Variants in PRKG1 observed in about 807,000 individuals in gnomAD.
The protein encoded by PRKG1 is protein kinase cGMP-dependent 1, also known as cGMP-dependent protein kinase 1.
In PRKG1, 35 loss-of-function variants were observed where a neutral mutation model predicts 88.1. That is an observed-to-expected ratio of 0.40 (90% CI 0.30 to 0.53). The LOEUF is 0.53. Ranked by LOEUF, PRKG1 falls within the 20% of genes least tolerant of loss-of-function variation. The probability of loss-of-function intolerance (pLI) is 0.59; values close to 1 mark genes in which losing one functional copy is unlikely to be tolerated. For missense variants in PRKG1, 540 were observed against 839.8 expected, an observed-to-expected ratio of 0.64 and a Z score of 4.41; for synonymous variants, 303 against 292.5, an observed-to-expected ratio of 1.04 and a Z score of -0.37.
chr10:52,164,132 C>T (rs1312020669), intron 9 of PRKG1, among the ~76,000 whole-genome samples: 2 of 152,038 alleles, frequency 1.3e-5, no homozygotes, highest in African/African-American at 4.8e-5. Context: ...GGGAAGATCA[C>T]CTGAGGTCAG....
chr10:51,112,219 A>G (rs1319713319), intron 1 of PRKG1, among the ~76,000 whole-genome samples: 1 of 152,102 alleles, frequency 6.6e-6, no homozygotes, highest in Non-Finnish European at 1.5e-5. Context: ...GCTTACATTT[A>G]ATACTTTTAA....
intron 7 of PRKG1, among the ~76,000 whole-genome samples, chr10:52,067,847 T>C (rs886171949): frequency 6.6e-6 from 1 of 152,154 alleles, no homozygotes; most frequent in Non-Finnish European, 1.5e-5. Context: ...GAGCAATCAC[T>C]TCACGTTTAG....
intron 14 of PRKG1, among the ~76,000 whole-genome samples, chr10:52,285,959 G>T (rs1436606688): frequency 3.9e-5 from 6 of 152,004 alleles, no homozygotes; most frequent in Non-Finnish European, 8.8e-5. Context: ...AAAGGAAATA[G>T]AAAACACATC....
At chr10:51,200,649 T>G (rs970328543) in intron 2 of PRKG1, among the ~76,000 whole-genome samples, 2 of 152,212 alleles carry the variant, frequency 1.3e-5, no homozygotes, top group African/African-American at 4.8e-5. Context: ...AAAATCTGCT[T>G]GCTGAATTAT....
intron 4 of PRKG1, among the ~76,000 whole-genome samples, chr10:51,877,785 C>A (rs577380793): frequency 6.6e-6 from 1 of 152,218 alleles, no homozygotes; most frequent in African/African-American, 2.4e-5. Context: ...ACTCAACTAA[C>A]TTTCCCATAA....
At chr10:51,342,374 T>G (rs185722787) in intron 2 of PRKG1, among the ~76,000 whole-genome samples, 51 of 152,290 alleles carry the variant, frequency 3.3e-4, no homozygotes, top group African/African-American at 1.2e-3. Context: ...TCAATTTTTT[T>G]TCACCTCCTT....
intron 5 of PRKG1, among the ~76,000 whole-genome samples, chr10:52,024,846 G>T (rs1845291723): frequency 6.6e-6 from 1 of 152,152 alleles, no homozygotes. Flanking sequence ...TATATACCTA[G>T]TAATGAGATC....
rs1476518842 is a variant in PRKG1 at position 51,771,396 on chromosome 10, C to T, written c.593-33189C>T. Among the ~76,000 whole-genome samples, 3 of 152,074 alleles carry T rather than the reference C, an allele frequency of 2.0e-5. No homozygotes were observed. The East Asian group carries it at 5.8e-4, about 29-fold the overall frequency. Reference sequence around the variant, plus strand: ...GGAAGCATTTCCGGAATTTGCTTTCCGTTCTCTGGGTCTTGGGAGATACAT... The same window carrying T: ...GGAAGCATTTCCGGAATTTGCTTTCTGTTCTCTGGGTCTTGGGAGATACAT... On this transcript the variant is annotated intron_variant, in intron 3 of 17. Transcript: ENST00000373980.
intron 2 of PRKG1, among the ~76,000 whole-genome samples, chr10:51,406,507 C>G (rs904135941): frequency 1.3e-5 from 2 of 152,006 alleles, no homozygotes; most frequent in Admixed American, 6.6e-5. Context: ...TTAGGAAAAA[C>G]CAGTTTGATT....
intron 5 of PRKG1, among the ~76,000 whole-genome samples, chr10:52,050,058 CAT>C (rs74659399): frequency 0.21 from 31,457 of 151,632 alleles, 4,020 homozygotes; most frequent in East Asian, 0.72. Context: ...AGAGTGTGTT[CAT>C]GTGTGTGTGG....
At chr10:51,690,755 G>A (rs1255524805) in intron 3 of PRKG1, among the ~76,000 whole-genome samples, 2 of 151,676 alleles carry the variant, frequency 1.3e-5, no homozygotes, top group Non-Finnish European at 2.9e-5. Flanking sequence ...GTGAAACCCC[G>A]TCTCTACTAA....
chr10:52,285,747 A>G (rs1842104366), intron 14 of PRKG1, among the ~76,000 whole-genome samples: 1 of 152,088 alleles, frequency 6.6e-6, no homozygotes, highest in Admixed American at 6.6e-5. Context: ...CCTCTAAGAT[A>G]TTTGCAAGTG....
chr10:51,053,425 C>T (rs1843589670), intron 1 of PRKG1, among the ~76,000 whole-genome samples: 1 of 152,080 alleles, frequency 6.6e-6, no homozygotes, highest in Admixed American at 6.6e-5. Flanking sequence ...AACTTGGAGG[C>T]ACATGGGATC....
chr10:52,139,377 G>A (rs368627944), intron 8 of PRKG1, among the ~76,000 whole-genome samples: 79 of 152,214 alleles, frequency 5.2e-4, no homozygotes, highest in African/African-American at 1.8e-3. Context: ...AGCCACAACA[G>A]CATCAGTCCC....
At chr10:51,692,105 G>T (rs1245440574) in intron 3 of PRKG1, among the ~76,000 whole-genome samples, 4 of 152,102 alleles carry the variant, frequency 2.6e-5, no homozygotes, top group Non-Finnish European at 5.9e-5. Flanking sequence ...CAAGGTTTGT[G>T]TCTGGCAATG....
chr10:52,212,293 T>C (rs528536182), intron 9 of PRKG1, among the ~76,000 whole-genome samples: 13 of 152,334 alleles, frequency 8.5e-5, no homozygotes, highest in African/African-American at 2.6e-4. Context: ...CTCTGACTGA[T>C]AGAAAAGTAG....
chr10:52,038,027 G>A (rs60497913), intron 5 of PRKG1, among the ~76,000 whole-genome samples: 175 of 152,250 alleles, frequency 1.1e-3, no homozygotes, highest in African/African-American at 3.9e-3. Context: ...GCTATTTTAC[G>A]ACAAGAATTA....
chr10:51,014,930 C>T (rs1037986587), intron 1 of PRKG1, among the ~76,000 whole-genome samples: 1 of 152,124 alleles, frequency 6.6e-6, no homozygotes, highest in African/African-American at 2.4e-5. Flanking sequence ...TTCTGTGCTT[C>T]CTGTTTTTCA....
At chr10:51,925,663 T>A (rs1842558645) in intron 5 of PRKG1, among the ~76,000 whole-genome samples, 1 of 152,110 alleles carries the variant, frequency 6.6e-6, no homozygotes, top group African/African-American at 2.4e-5. Flanking sequence ...TATTTTCTCT[T>A]GAGAAAAAGT....
Sources: gnomAD v4.1 joint callset for allele counts (sites outside exome capture counted in the v4.1 genomes callset) on GRCh38, gnomAD v4.1.1 for gene constraint, MANE v1.5 for transcripts, NCBI Gene and HGNC (gene_info 2026-07-23, HGNC 2026-07-21) for gene names.